The following COL23A1 variants were observed in gnomAD, a reference collection of about 807,000 sequenced individuals.
COL23A1 encodes collagen alpha-1(XXIII) chain.
A neutral mutation model predicts 99.3 loss-of-function variants in COL23A1; 97 were observed. The observed-to-expected ratio is 0.98, with a 90% confidence interval of 0.83 to 1.16. COL23A1 has a LOEUF of 1.16. Ranked by LOEUF, COL23A1 falls within the 50% of genes most tolerant of loss-of-function variation. COL23A1 has a pLI of 0.00. For synonymous variants in COL23A1, 320 were observed against 308.2 expected (o/e 1.04, Z -0.40); for missense variants, 762 against 757.4 (o/e 1.01, Z -0.07).
At chr5:178,263,360 G>A (rs1196182692) in intron 8 of COL23A1, 36 bp from the exon 9 acceptor site, 2 of 1,344,476 alleles carry the variant, frequency 1.5e-6, no homozygotes, top group Non-Finnish European at 2.1e-6. Context: ...CTCTGAGGGG[G>A]AGGGGGTCCA....
intron 2 of COL23A1, among the ~76,000 whole-genome samples, chr5:178,354,272 G>A (rs192336455): frequency 6.6e-6 from 1 of 152,278 alleles, no homozygotes; most frequent in African/African-American, 2.4e-5. Context: ...GTGCAATCGT[G>A]ATCATAGCTC....
chr5:178,249,168 C>T lies in COL23A1; in HGVS notation c.1098G>A (p.Gly366=), dbSNP rs753092512. Residue 366 remains glycine, a synonymous_variant, in exon 19 of 29, where the codon GGG becomes GGA. Coordinates refer to ENST00000390654, the MANE Select transcript of COL23A1 (RefSeq NM_173465.4). ...KGQKGDPGEP[G]PAGLKGEAGE... Reference sequence around the variant, plus strand: ...CTGCTTCCCCTTTGAGTCCTGCTGGCCCAGGCTCTCCTGGGTCTCCTTTCT... The same window carrying T: ...CTGCTTCCCCTTTGAGTCCTGCTGGTCCAGGCTCTCCTGGGTCTCCTTTCT... The T allele has an allele frequency of 6.2e-7, 1 of 1,614,186 alleles. No homozygotes were observed. Among genetic ancestry groups the T allele is most frequent in the South Asian group, 1.1e-5 (1 of 91,090 alleles).
At chr5:178,392,077 T>C (rs1763994458) in intron 2 of COL23A1, among the ~76,000 whole-genome samples, 1 of 151,856 alleles carries the variant, frequency 6.6e-6, no homozygotes, top group Non-Finnish European at 1.5e-5. Flanking sequence ...CTGGGGGCTT[T>C]GAGGGGAAAT....
At position 178,590,259 on chromosome 5, in the gene COL23A1, C is replaced by G; in HGVS notation, c.-62G>C. ...GTGCTGCTGGGGCAGAGGCTGGGTGCGAGAGGAGCAGGCGGGACAGCCCGA... is the reference window on the plus strand; with the variant it reads ...GTGCTGCTGGGGCAGAGGCTGGGTGGGAGAGGAGCAGGCGGGACAGCCCGA... On this transcript the variant is annotated 5_prime_UTR_variant, in exon 1 of 29. Coordinates refer to ENST00000390654, the MANE Select transcript of COL23A1 (RefSeq NM_173465.4). The surrounding 1 kb of genome is among the most constrained non-coding windows in gnomAD (Gnocchi z 5.7). 8.4e-7 allele frequency: 1 copy of G among 1,184,604 alleles called. No individual in the cohort carries two copies. The highest frequency in any genetic ancestry group is 1.6e-5 in the African/African-American group (1 of 62,722). 73.4% of individuals were successfully genotyped at this position (1,184,604 alleles called of 1,614,324 possible). A position where few individuals can be genotyped will look rare whatever the true frequency, so the allele number is the denominator to read the frequency against.
chr5:178,262,599 G>A (rs1452910847), intron 9 of COL23A1, among the ~76,000 whole-genome samples: 1 of 152,158 alleles, frequency 6.6e-6, no homozygotes, highest in East Asian at 1.9e-4. Flanking sequence ...GGGATTCTGG[G>A]TTAGGGAAAG....
At chr5:178,462,523 G>C (rs923725491) in intron 2 of COL23A1, among the ~76,000 whole-genome samples, 3 of 152,188 alleles carry the variant, frequency 2.0e-5, no homozygotes, top group African/African-American at 7.2e-5. Context: ...ATTATGTTAA[G>C]AGCTTCGAGT....
At chr5:178,522,407 G>A (rs765000837) in intron 2 of COL23A1, among the ~76,000 whole-genome samples, 5 of 152,156 alleles carry the variant, frequency 3.3e-5, no homozygotes, top group Non-Finnish European at 7.3e-5. Context: ...ACAGCAACAG[G>A]AGAAGTCATC....
At chr5:178,376,287 C>A (rs188970948) in intron 2 of COL23A1, among the ~76,000 whole-genome samples, 2 of 152,358 alleles carry the variant, frequency 1.3e-5, no homozygotes, top group Admixed American at 6.5e-5. Context: ...TTTAGGTATT[C>A]TCTGCTATTG....
At chr5:178,388,700 C>T (rs1763800872) in intron 2 of COL23A1, among the ~76,000 whole-genome samples, 1 of 152,196 alleles carries the variant, frequency 6.6e-6, no homozygotes, top group Non-Finnish European at 1.5e-5. Context: ...ACCGAGTGGC[C>T]TCCCTGCCTC....
chr5:178,250,826 T>TA (rs1764990883), intron 17 of COL23A1, among the ~76,000 whole-genome samples: 1 of 151,790 alleles, frequency 6.6e-6, no homozygotes, highest in Non-Finnish European at 1.5e-5. Flanking sequence ...ACTAAAAATA[T>TA]AAAAATTAGC....
At chr5:178,520,086 G>A (rs1759854211) in intron 2 of COL23A1, among the ~76,000 whole-genome samples, 1 of 152,128 alleles carries the variant, frequency 6.6e-6, no homozygotes, top group Admixed American at 6.5e-5. Flanking sequence ...GATAGATGGA[G>A]GATGGTTAGA....
chr5:178,406,654 T>C (rs1322009802), intron 2 of COL23A1, among the ~76,000 whole-genome samples: 1 of 152,086 alleles, frequency 6.6e-6, no homozygotes, highest in East Asian at 1.9e-4. Context: ...AGTCTTGAAC[T>C]CCTGACCTTG....
intron 1 of COL23A1, among the ~76,000 whole-genome samples, chr5:178,566,036 G>A (rs938146326): frequency 3.3e-5 from 5 of 152,110 alleles, no homozygotes; most frequent in Non-Finnish European, 7.4e-5. Flanking sequence ...GCTGAGGCAG[G>A]AGAATCACTT....
intron 2 of COL23A1, among the ~76,000 whole-genome samples, chr5:178,457,601 T>C (rs1755863494): frequency 6.6e-6 from 1 of 152,228 alleles, no homozygotes; most frequent in African/African-American, 2.4e-5. Context: ...TGGAATATTA[T>C]GCCCCCATTA....
intron 2 of COL23A1, among the ~76,000 whole-genome samples, chr5:178,360,300 C>G (rs1762106438): frequency 6.6e-6 from 1 of 152,256 alleles, no homozygotes; most frequent in Non-Finnish European, 1.5e-5. Flanking sequence ...AGAATAGAAA[C>G]TGCGAAGCTT....
chr5:178,406,869 C>T (rs1408873693), intron 2 of COL23A1, among the ~76,000 whole-genome samples: 1 of 152,118 alleles, frequency 6.6e-6, no homozygotes, highest in Non-Finnish European at 1.5e-5. Flanking sequence ...TATAAAGCTA[C>T]AATAATTAAA....
intron 2 of COL23A1, among the ~76,000 whole-genome samples, chr5:178,508,070 T>G (rs1379659012): frequency 1.3e-5 from 2 of 152,120 alleles, no homozygotes; most frequent in South Asian, 4.1e-4. Flanking sequence ...GTTGTTCAGA[T>G]TGGGAAATTT....
At chr5:178,523,973 CA>C (rs1562052811) in intron 2 of COL23A1, among the ~76,000 whole-genome samples, 1 of 152,190 alleles carries the variant, frequency 6.6e-6, no homozygotes, top group East Asian at 1.9e-4. Context: ...TGATCTCTGA[CA>C]AGGACTTCAA....
rs1186715239 is a variant in COL23A1 at position 178,365,127 on chromosome 5, C to CTGTGTGTGTGTGTG, written c.362-58209_362-58208insCACACACACACACA. 8.3e-6 allele frequency among the ~76,000 whole-genome samples: 1 copy of CTGTGTGTGTGTGTG among 120,508 alleles called. No individual in the cohort carries two copies. The highest frequency in any genetic ancestry group is 4.1e-4 in the East Asian group (1 of 2,422). 79.1% of individuals were successfully genotyped at this position (120,508 alleles called of 152,430 possible). A position where few individuals can be genotyped will look rare whatever the true frequency, so the allele number is the denominator to read the frequency against. On this transcript the variant is annotated intron_variant, in intron 2 of 28. Coordinates refer to ENST00000390654, the MANE Select transcript of COL23A1 (RefSeq NM_173465.4). The surrounding 1 kb of genome is among the most constrained non-coding windows in gnomAD (Gnocchi z 5.2). ...CTTTGGGGTGGGCTTTATGATGTTG[C>CTGTGTGTGTGTGTG]TGTGTGTGCGTGTGTGTGTGTGTGT...
Sources: gnomAD v4.1 joint callset for allele counts (sites outside exome capture counted in the v4.1 genomes callset) on GRCh38, gnomAD v4.1.1 for gene constraint, Gnocchi (gnomAD v3.1) non-coding constraint, MANE v1.5 for transcripts, NCBI Gene and HGNC (gene_info 2026-07-23, HGNC 2026-07-21) for gene names.